Variants in RSRC1 observed in about 807,000 individuals in gnomAD.
RSRC1 encodes serine/Arginine-related protein 53.
In RSRC1, 39 loss-of-function variants were observed where a neutral mutation model predicts 49.1. The observed-to-expected ratio is 0.79, with a 90% CI of 0.61 to 1.04. RSRC1 has a LOEUF of 1.04. Among genes scored for constraint, RSRC1 ranks in the 50% least tolerant of loss-of-function variants. The probability of loss-of-function intolerance (pLI) is 0.00; values close to 1 mark genes in which losing one functional copy is unlikely to be tolerated. For synonymous variants in RSRC1, 143 were observed against 130.8 expected, an observed-to-expected ratio of 1.09 and a Z score of -0.63; for missense variants, 388 against 402.4, an observed-to-expected ratio of 0.96 and a Z score of 0.31.
intron 4 of RSRC1, among the ~76,000 whole-genome samples, chr3:158,245,019 T>TTC (rs1553774117): frequency 6.6e-6 from 1 of 150,914 alleles, no homozygotes; most frequent in African/African-American, 2.4e-5. Flanking sequence ...TTTTTTTTTT[T>TTC]CTGTCTCTGT....
chr3:158,290,526 T>C (rs827136), intron 4 of RSRC1, among the ~76,000 whole-genome samples: 94,076 of 151,886 alleles, frequency 0.62, 29,545 homozygotes, highest in East Asian at 0.74. Context: ...CCGCCCACCT[T>C]GGCCTCCCAA....
At chr3:158,238,509 C>CA (rs1197513616) in intron 4 of RSRC1, among the ~76,000 whole-genome samples, 5 of 152,010 alleles carry the variant, frequency 3.3e-5, no homozygotes, top group African/African-American at 1.2e-4. Context: ...GTACTGGTAC[C>CA]AAAACAGAGA....
At chr3:158,476,963 T>C (rs1479564587) in intron 7 of RSRC1, among the ~76,000 whole-genome samples, 1 of 152,132 alleles carries the variant, frequency 6.6e-6, no homozygotes, top group African/African-American at 2.4e-5. Flanking sequence ...TTGGAAGAAG[T>C]TGCCTCCAAC....
At chr3:158,127,756 GTTTTT>G (rs34766107) in intron 3 of RSRC1, among the ~76,000 whole-genome samples, 1 of 81,238 alleles carries the variant, frequency 1.2e-5, no homozygotes, top group Admixed American at 1.4e-4. Context: ...CTGCTTTGTG[GTTTTT>G]TTTTTTTTTT....
At chr3:158,283,168 A>G (rs571041268) in intron 4 of RSRC1, among the ~76,000 whole-genome samples, 3 of 152,316 alleles carry the variant, frequency 2.0e-5, no homozygotes, top group East Asian at 3.9e-4. Flanking sequence ...CAAGGTTTTT[A>G]AAGTGAACAC....
intron 4 of RSRC1, among the ~76,000 whole-genome samples, chr3:158,283,964 A>C (rs893736517): frequency 1.3e-5 from 2 of 151,586 alleles, no homozygotes; most frequent in Non-Finnish European, 2.9e-5. Flanking sequence ...ATATGTATAC[A>C]TGTGCCATGC....
At chr3:158,378,053 A>T (rs1047668616) in intron 6 of RSRC1, among the ~76,000 whole-genome samples, 1 of 152,096 alleles carries the variant, frequency 6.6e-6, no homozygotes, top group East Asian at 1.9e-4. Context: ...TTCAGGTTGG[A>T]TCATCTCTAT....
At chr3:158,191,534 G>T (rs998238731) in intron 3 of RSRC1, among the ~76,000 whole-genome samples, 1 of 151,932 alleles carries the variant, frequency 6.6e-6, no homozygotes, top group South Asian at 2.1e-4. Flanking sequence ...TAGAGATGTT[G>T]CAGGGACTTT....
chr3:158,209,700 C>G (rs1394302940), intron 4 of RSRC1, among the ~76,000 whole-genome samples: 2 of 152,012 alleles, frequency 1.3e-5, no homozygotes, highest in Admixed American at 1.3e-4. Flanking sequence ...TACTGAAATA[C>G]TTGTATTTAT....
chr3:158,373,276 G>A (rs762131462), intron 6 of RSRC1, among the ~76,000 whole-genome samples: 53 of 151,864 alleles, frequency 3.5e-4, no homozygotes, highest in Non-Finnish European at 4.9e-4. Context: ...TTGAGTAAAA[G>A]TGTAAGAGTG....
intron 3 of RSRC1, among the ~76,000 whole-genome samples, chr3:158,180,624 T>A (rs1161410596): frequency 6.6e-6 from 1 of 150,424 alleles, no homozygotes; most frequent in African/African-American, 2.5e-5. Context: ...CTAGACCACG[T>A]CCAGCTAATT....
chr3:158,246,761 C>T (rs1293955397), intron 4 of RSRC1, among the ~76,000 whole-genome samples: 1 of 152,166 alleles, frequency 6.6e-6, no homozygotes, highest in African/African-American at 2.4e-5. Context: ...CCGATAGTCT[C>T]ATGGGCTTCC....
At chr3:158,369,424 T>G (rs1731948931) in intron 6 of RSRC1, among the ~76,000 whole-genome samples, 2 of 152,046 alleles carry the variant, frequency 1.3e-5, no homozygotes, top group Non-Finnish European at 2.9e-5. Context: ...TTGCTCAGTA[T>G]TTTGCATTTT....
At chr3:158,463,293 AT>A (rs915937686) in intron 7 of RSRC1, among the ~76,000 whole-genome samples, 6 of 151,830 alleles carry the variant, frequency 4.0e-5, no homozygotes, top group Non-Finnish European at 5.9e-5. Context: ...TTGCTTCCAA[AT>A]TTTTTTTCTC....
chr3:158,369,988 A>G (rs1235307206), intron 6 of RSRC1, among the ~76,000 whole-genome samples: 1 of 151,984 alleles, frequency 6.6e-6, no homozygotes, highest in Admixed American at 6.6e-5. Context: ...TTAAAATAAT[A>G]TACATGGTGA....
intron 7 of RSRC1, among the ~76,000 whole-genome samples, chr3:158,533,835 A>C (rs925164479): frequency 6.6e-6 from 1 of 151,704 alleles, no homozygotes; most frequent in Non-Finnish European, 1.5e-5. Flanking sequence ...TGCCATATTA[A>C]CATTATTATA....
chr3:158,121,655 A>G (rs1290537166), intron 1 of RSRC1, among the ~76,000 whole-genome samples: 1 of 152,218 alleles, frequency 6.6e-6, no homozygotes, highest in Non-Finnish European at 1.5e-5. Flanking sequence ...ATATTTTGTC[A>G]TTAGGGAATG....
At chr3:158,196,056 G>A (rs1166645411) in intron 3 of RSRC1, among the ~76,000 whole-genome samples, 1 of 152,104 alleles carries the variant, frequency 6.6e-6, no homozygotes, top group Non-Finnish European at 1.5e-5. Flanking sequence ...TAACTTGATG[G>A]GGATGGCATT....
At chr3:158,220,862 A>G (rs910008668) in intron 4 of RSRC1, among the ~76,000 whole-genome samples, 1 of 151,566 alleles carries the variant, frequency 6.6e-6, no homozygotes, top group East Asian at 1.9e-4. Context: ...AACATACAGT[A>G]ATCACCTAAA....
Sources: gnomAD v4.1 joint callset for allele counts (sites outside exome capture counted in the v4.1 genomes callset) on GRCh38, gnomAD v4.1.1 for gene constraint, MANE v1.5 for transcripts, NCBI Gene and HGNC (gene_info 2026-07-23, HGNC 2026-07-21) for gene names.